Variants in PTPRG observed in about 807,000 individuals in gnomAD.
PTPRG encodes receptor-type tyrosine-protein phosphatase gamma.
In PTPRG, 102 loss-of-function variants were observed where a neutral mutation model predicts 165.3. That is an observed-to-expected ratio of 0.62 (90% confidence interval 0.53 to 0.73). The LOEUF is 0.73. PTPRG is among the 30% of genes least tolerant of loss of function. PTPRG has a pLI of 0.00. For missense variants in PTPRG, 1,866 were observed against 1,861.4 expected (o/e 1.00, Z -0.05); for synonymous variants, 675 against 669.5 (o/e 1.01, Z -0.13).
chr3:61,753,246 T>A (rs1393085314), intron 2 of PTPRG, among the ~76,000 whole-genome samples: 1 of 152,220 alleles, frequency 6.6e-6, no homozygotes, highest in Non-Finnish European at 1.5e-5. Flanking sequence ...TGTAATTTGA[T>A]GATTGATTTA....
intron 4 of PTPRG, among the ~76,000 whole-genome samples, chr3:62,072,184 A>G (rs530649705): frequency 6.6e-6 from 1 of 152,208 alleles, no homozygotes; most frequent in Admixed American, 6.5e-5. Flanking sequence ...ACAGTGGAGC[A>G]TTGACTGTTG....
chr3:62,128,838 T>C (rs17066165), intron 5 of PTPRG, among the ~76,000 whole-genome samples: 3 of 151,432 alleles, frequency 2.0e-5, no homozygotes, highest in Admixed American at 1.3e-4. Flanking sequence ...AATTTTTTTT[T>C]AAGTGGCAAA....
chr3:61,686,405 T>A (rs1301194834), intron 1 of PTPRG, among the ~76,000 whole-genome samples: 1 of 152,178 alleles, frequency 6.6e-6, no homozygotes, highest in African/African-American at 2.4e-5. Context: ...GAGTAGTTGG[T>A]GAGACTGGGG....
At chr3:61,992,384 G>C (rs930278113) in intron 3 of PTPRG, among the ~76,000 whole-genome samples, 1 of 151,814 alleles carries the variant, frequency 6.6e-6, no homozygotes, top group Admixed American at 6.6e-5. Flanking sequence ...TTTCTGAGAC[G>C]GTCTCACTCT....
At chr3:61,716,112 C>T (rs1315091042) in intron 1 of PTPRG, among the ~76,000 whole-genome samples, 3 of 152,168 alleles carry the variant, frequency 2.0e-5, no homozygotes, top group Non-Finnish European at 4.4e-5. Flanking sequence ...ACTGCCACCG[C>T]CACGCCCCTT....
chr3:61,687,498 T>G (rs1262973806), intron 1 of PTPRG, among the ~76,000 whole-genome samples: 3 of 152,258 alleles, frequency 2.0e-5, no homozygotes, highest in African/African-American at 7.2e-5. Flanking sequence ...TTGATCTGGC[T>G]AAACATGGCT....
intron 2 of PTPRG, among the ~76,000 whole-genome samples, chr3:61,837,642 A>T (rs2036509057): frequency 6.6e-6 from 1 of 152,162 alleles, no homozygotes; most frequent in South Asian, 2.1e-4. Context: ...GGGATGAGGA[A>T]TGTCTGTACA....
At chr3:62,049,850 C>A (rs1360705713) in intron 4 of PTPRG, among the ~76,000 whole-genome samples, 1 of 152,182 alleles carries the variant, frequency 6.6e-6, no homozygotes, top group Non-Finnish European at 1.5e-5. Flanking sequence ...AAGTAATTTT[C>A]ACGTGGCTTT....
chr3:61,953,537 A>G (rs879897591), intron 2 of PTPRG, among the ~76,000 whole-genome samples: 2 of 152,186 alleles, frequency 1.3e-5, no homozygotes, highest in South Asian at 2.1e-4. Flanking sequence ...TTAAGGTTGT[A>G]TATTGCAATG....
chr3:62,259,265 G>T (rs1195384240), intron 16 of PTPRG, among the ~76,000 whole-genome samples: 1 of 152,206 alleles, frequency 6.6e-6, no homozygotes, highest in Admixed American at 6.5e-5. Context: ...ATGCTGCACC[G>T]ACTGCTGCCT....
At chr3:61,896,348 T>A (rs2038353513) in intron 2 of PTPRG, among the ~76,000 whole-genome samples, 1 of 152,248 alleles carries the variant, frequency 6.6e-6, no homozygotes, top group Non-Finnish European at 1.5e-5. Context: ...TCACTTGGAA[T>A]AATTCTCGGG....
intron 2 of PTPRG, among the ~76,000 whole-genome samples, chr3:61,920,848 A>G (rs1307073350): frequency 1.3e-5 from 2 of 152,242 alleles, no homozygotes; most frequent in African/African-American, 4.8e-5. Flanking sequence ...TGTTCATTAA[A>G]GAATTGGAAA....
chr3:61,989,505 A>G (rs2040833745), intron 2 of PTPRG, 120 bp from the exon 3 acceptor site: 3 of 912,840 alleles, frequency 3.3e-6, no homozygotes, highest in African/African-American at 1.6e-5. Context: ...AGTTTTCAGT[A>G]CATTCACCTC....
intron 1 of PTPRG, among the ~76,000 whole-genome samples, chr3:61,698,024 ACT>A (rs1464931073): frequency 2.0e-5 from 3 of 151,990 alleles, no homozygotes; most frequent in African/African-American, 7.3e-5. Context: ...TTTCTCCGTG[ACT>A]CTTCATTCTT....
rs2033572680 is a variant in PTPRG, at chr3:61,754,644, G to T, written c.190+5662G>T. On this transcript the variant is annotated intron_variant, in intron 2 of 29. Transcript: ENST00000474889. Reference sequence around the variant, plus strand: ...TCTGTCCTTGGGAATTTACTAAGGGGAGTCCTGCCATGAAATTCAGATAAA... The same window carrying T: ...TCTGTCCTTGGGAATTTACTAAGGGTAGTCCTGCCATGAAATTCAGATAAA... 2.6e-5 allele frequency among the ~76,000 whole-genome samples: 4 copies of T among 152,168 alleles called. No individual in the cohort carries two copies. In the South Asian group the frequency reaches 8.3e-4, roughly 31 times the overall value.
intron 28 of PTPRG, among the ~76,000 whole-genome samples, chr3:62,285,921 T>C (rs1008772796): frequency 2.6e-5 from 4 of 152,174 alleles, no homozygotes; most frequent in Non-Finnish European, 5.9e-5. Context: ...AGCATAATAA[T>C]ATAAAAATAC....
intron 3 of PTPRG, among the ~76,000 whole-genome samples, chr3:61,993,018 G>T (rs905168421): frequency 6.6e-6 from 1 of 152,034 alleles, no homozygotes; most frequent in African/African-American, 2.4e-5. Context: ...TTAGAATTTT[G>T]GAGAAATGAG....
At chr3:61,572,913 G>A (rs1012496472) in intron 1 of PTPRG, among the ~76,000 whole-genome samples, 1 of 152,232 alleles carries the variant, frequency 6.6e-6, no homozygotes, top group African/African-American at 2.4e-5. Flanking sequence ...CTTTGGGCTT[G>A]TTTGGGGTTT....
chr3:62,277,554 T>C lies in PTPRG; in HGVS notation c.3640T>C (p.Tyr1214His). Residue 1214 changes from tyrosine (Y) to histidine (H), a missense_variant, in exon 26 of 30, where the codon TAT becomes CAT. Tyr to His is a moderately conservative substitution (Grantham distance 83, BLOSUM62 2). Around this residue, in one of 3 missense-constraint regions of PTPRG, gnomAD observed 1,452 missense variants for 1,463.0 expected, o/e 0.99. Transcript: ENST00000474889. ...DYINASYIMGYYRSNEFIITQ... is the reference protein window; with the variant it reads ...DYINASYIMGHYRSNEFIITQ... The stretch of plus-strand genomic sequence containing the variant: ...TTTTTTGTCTTCCCAACTGAAGGGC[T>C]ATTATAGGAGCAATGAATTTATTAT... 2 of 1,610,474 alleles carry C rather than the reference T, an allele frequency of 1.2e-6. No homozygotes were observed. The highest frequency in any genetic ancestry group is 1.7e-6 in the Non-Finnish European group (2 of 1,178,998).
Sources: gnomAD v4.1 joint callset for allele counts (sites outside exome capture counted in the v4.1 genomes callset) on GRCh38, gnomAD v4.1.1 for gene constraint, gnomAD v4.1.1 regional missense constraint, MANE v1.5 for transcripts, NCBI Gene and HGNC (gene_info 2026-07-23, HGNC 2026-07-21) for gene names.